The following CHRNA4 variants were observed in gnomAD, a reference collection of about 807,000 sequenced individuals.
CHRNA4 encodes the protein neuronal acetylcholine receptor subunit alpha-4.
In CHRNA4, 28 loss-of-function variants were observed where a neutral mutation model predicts 48.9. That is an observed-to-expected ratio of 0.57 (90% CI 0.42 to 0.79). The LOEUF (loss-of-function observed/expected upper bound fraction) is 0.79, where lower values mean the gene tolerates loss of function less well. CHRNA4 is among the 30% of genes least tolerant of loss of function. The pLI, the probability that CHRNA4 is intolerant of heterozygous loss-of-function variation, is 0.00. For missense variants in CHRNA4, 859 were observed against 898.4 expected, an observed-to-expected ratio of 0.96 and a Z score of 0.56; for synonymous variants, 425 against 402.3, an observed-to-expected ratio of 1.06 and a Z score of -0.68.
chr20:63,359,174 G>A (rs1375914210), intron 2 of CHRNA4, among the ~76,000 whole-genome samples: 1 of 152,156 alleles, frequency 6.6e-6, no homozygotes, highest in African/African-American at 2.4e-5. Context: ...GCCTGCTCCT[G>A]CCCCGGCCCC....
chr20:63,359,071 C>A (rs2068761685), intron 2 of CHRNA4, among the ~76,000 whole-genome samples: 1 of 151,658 alleles, frequency 6.6e-6, no homozygotes, highest in South Asian at 2.1e-4. Context: ...AAACAGACTT[C>A]GCCCAAGACT....
rs199949135 is a variant in CHRNA4 at position 63,349,729 on chromosome 20, G to A, written c.1682C>T (p.Ser561Leu). 1.6e-4 allele frequency: 259 copies of A among 1,612,806 alleles called. No homozygotes were observed. The highest frequency in any genetic ancestry group is 2.1e-4 in the Non-Finnish European group (242 of 1,179,866). ...TKAPPPHLPL[S>L]PALTRAVEGV... is the part of the protein sequence containing the mutation. ...CTCCACCGCCCGGGTCAGGGCCGGCGACAGGGGCAGGTGCGGGGGCGGCGC... is the reference window on the plus strand; with the variant it reads ...CTCCACCGCCCGGGTCAGGGCCGGCAACAGGGGCAGGTGCGGGGGCGGCGC... Residue 561 changes from serine to leucine, a missense_variant, in exon 5 of 6, where the codon TCG (serine) becomes TTG (leucine). Physicochemically the swap from Ser to Leu is moderately radical, Grantham distance 145 (BLOSUM62 -2). Around this residue, in one of 3 missense-constraint regions of CHRNA4, gnomAD observed 478 missense variants for 455.4 expected, o/e 1.05. Transcript: ENST00000370263.
chr20:63,353,517 G>A (rs1237063803), intron 4 of CHRNA4, among the ~76,000 whole-genome samples: 3 of 100,436 alleles, frequency 3.0e-5, no homozygotes, highest in Admixed American at 8.9e-5. Context: ...CTGCGGTCCT[G>A]GGGGGCTGTG....
chr20:63,343,568 C>T lies in CHRNA4; in HGVS notation c.*3170G>A, dbSNP rs2068437776. On this transcript the variant is annotated 3_prime_UTR_variant, in exon 6 of 6. Coordinates refer to ENST00000370263, the MANE Select transcript of CHRNA4 (RefSeq NM_000744.7). ...TTACAAGGGAGCCTGAGTGACAACT[C>T]CGGAGGCCAGCCATTGAGAGATTAC... is the stretch of plus-strand genomic sequence containing the variant. The T allele has an allele frequency of 2.2e-6, 1 of 452,016 alleles. No homozygotes were observed. The highest frequency in any genetic ancestry group is 4.4e-6 in the Non-Finnish European group (1 of 225,966). The allele number at this position is 452,016 out of a possible 1,614,324, so 28.0% of individuals were successfully genotyped here. A position where few individuals can be genotyped will look rare whatever the true frequency, so the allele number is the denominator to read the frequency against.
intron 4 of CHRNA4, chr20:63,355,314 C>T (rs560473090): frequency 3.0e-5 from 11 of 368,556 alleles, no homozygotes; most frequent in African/African-American, 2.3e-4. Context: ...CTTCCAGGCA[C>T]AGAAAACCCG....
chr20:63,355,832 T>TGGGCTGGCATGCATG, intron 4 of CHRNA4, 143 bp downstream of exon 4: 4 of 1,171,794 alleles, frequency 3.4e-6, no homozygotes, highest in Middle Eastern at 2.2e-4. Context: ...TTCCTGGGCC[T>TGGGCTGGCATGCATG]GGGCTGGCAT....
rs755853820 is a variant in CHRNA4, at chr20:63,343,863, G to A, written c.*2875C>T. The A allele has an allele frequency of 1.5e-5, 7 of 454,052 alleles. No homozygotes were observed. Among genetic ancestry groups the A allele is most frequent in the African/African-American group, 4.0e-5 (2 of 50,010 alleles). 28.1% of individuals were successfully genotyped at this position (454,052 alleles called of 1,614,324 possible). On this transcript the variant is annotated 3_prime_UTR_variant, in exon 6 of 6. Transcript: ENST00000370263. ...TGTGAGACTTTGATAGGGGGTCGGG[G>A]GTCACAGCCCTGGCAAGGTGGGTTC...
intron 4 of CHRNA4, among the ~76,000 whole-genome samples, chr20:63,353,317 G>C (rs2068643542): frequency 6.6e-6 from 1 of 152,198 alleles, no homozygotes; most frequent in Non-Finnish European, 1.5e-5. Flanking sequence ...TGTCCGGAGA[G>C]AGCCTCGGTG....
Position 63,350,100 on chromosome 20 carries a change from A to C in CHRNA4, c.1311T>G (p.Ala437=). The change falls in exon 5 of 6, where the codon GCT becomes GCG. Residue 437 remains alanine (A), a synonymous_variant. Coordinates refer to ENST00000370263, the MANE Select transcript of CHRNA4 (RefSeq NM_000744.7). ...DQLPPQQPLE[A]EKASPHPSPG... ...GCGAGGGGTGGGGGCTGGCTTTCTC[A>C]GCTTCCAGGGGCTGCTGAGGAGGGA... The C allele has an allele frequency of 6.5e-7, 1 of 1,532,242 alleles. No individual in the cohort carries two copies. The highest frequency in any genetic ancestry group is 8.8e-7 in the Non-Finnish European group (1 of 1,137,228). 94.9% of individuals were successfully genotyped at this position (1,532,242 alleles called of 1,614,324 possible). A position where few individuals can be genotyped will look rare whatever the true frequency, so the allele number is the denominator to read the frequency against.
intron 2 of CHRNA4, 21 bp downstream of exon 2, chr20:63,359,527 G>T (rs201896447): frequency 2.0e-5 from 33 of 1,612,388 alleles, no homozygotes; most frequent in Middle Eastern, 3.3e-4. Context: ...CACAGTGCAC[G>T]ATGGCCACGC....
intron 1 of CHRNA4, 187 bp from the exon 2 acceptor site, chr20:63,359,886 C>CGT (rs1568820018): frequency 1.7e-6 from 1 of 594,338 alleles, no homozygotes; most frequent in Non-Finnish European, 2.9e-6. Flanking sequence ...TGTGTGTGTG[C>CGT]CGGGCGTGTG....
At chr20:63,349,451 C>A (rs1041900619) in intron 5 of CHRNA4, 5 of 686,788 alleles carry the variant, frequency 7.3e-6, no homozygotes, top group Non-Finnish European at 1.2e-5. Flanking sequence ...CCACTCGGGG[C>A]CCCCTGCCCC....
chr20:63,350,586 G>T lies in CHRNA4; in HGVS notation c.825C>A (p.Ile275=), dbSNP rs750974344. 1 of 1,613,946 alleles carries T rather than the reference G, an allele frequency of 6.2e-7. No homozygotes were observed. ...ACAGCAGCACGGAGATGCACAGCGT[G>T]ATCTTCTCGCCACACTCGGAGGGCA... is the stretch of plus-strand genomic sequence containing the variant. The part of the protein sequence containing the change: ...FYLPSECGEK[I]TLCISVLLSL... Residue 275 remains isoleucine (I), a synonymous_variant, in exon 5 of 6, where the codon ATC becomes ATA. Transcript: ENST00000370263.
intron 1 of CHRNA4, chr20:63,359,903 G>GTGTGTGTGTGTGTGCCGGGCGTGCAC (rs1555840803): frequency 4.5e-6 from 2 of 444,368 alleles, no homozygotes; most frequent in East Asian, 7.6e-5. Flanking sequence ...TGTGCTGTGT[G>GTGTGTGTGTGTGTGCCGGGCGTGCAC]TGTGTGTGTG....
At chr20:63,360,773 G>A (rs2068806360) in intron 1 of CHRNA4, among the ~76,000 whole-genome samples, 1 of 152,248 alleles carries the variant, frequency 6.6e-6, no homozygotes, top group Non-Finnish European at 1.5e-5. Flanking sequence ...GATGGGGGAA[G>A]GGCGAAGGTG....
intron 2 of CHRNA4, among the ~76,000 whole-genome samples, chr20:63,358,789 A>C (rs2068756551): frequency 6.6e-6 from 1 of 152,178 alleles, no homozygotes; most frequent in African/African-American, 2.4e-5. Flanking sequence ...GGAAACGTGG[A>C]AATGTCTCTG....
intron 5 of CHRNA4, among the ~76,000 whole-genome samples, chr20:63,349,215 G>A (rs933154096): frequency 6.6e-6 from 1 of 152,158 alleles, no homozygotes; most frequent in Non-Finnish European, 1.5e-5. Flanking sequence ...CCCAGATACG[G>A]AGGGGCCCCG....
intron 4 of CHRNA4, among the ~76,000 whole-genome samples, chr20:63,352,219 C>T (rs896587106): frequency 3.3e-5 from 5 of 152,210 alleles, no homozygotes; most frequent in Non-Finnish European, 5.9e-5. Context: ...TTGGGCAGAG[C>T]TGGCGACTGT....
At chr20:63,346,897 C>A in intron 5 of CHRNA4, 34 bp from the exon 6 acceptor site, 1 of 1,611,232 alleles carries the variant, frequency 6.2e-7, no homozygotes, top group Non-Finnish European at 8.5e-7. Flanking sequence ...CCAGCACGGC[C>A]CGGCCGCCGC....
Sources: allele counts gnomAD v4.1 joint callset (sites outside exome capture counted in the v4.1 genomes callset), GRCh38; gene constraint gnomAD v4.1.1; regional missense constraint gnomAD v4.1.1; transcripts MANE v1.5; gene names NCBI Gene and HGNC (gene_info 2026-07-23, HGNC 2026-07-21).